PCDHGA1: variants seen among roughly 807,000 people sequenced by gnomAD.
PCDHGA1 encodes protocadherin gamma subfamily A, 1.
Under a neutral mutation model 58.0 loss-of-function variants are expected in PCDHGA1, and 32 were observed. The ratio of observed to expected loss-of-function variants is 0.55; its 90% CI spans 0.42 to 0.74. The LOEUF (loss-of-function observed/expected upper bound fraction) is 0.74. Among genes scored for constraint, PCDHGA1 ranks in the 30% least tolerant of loss-of-function variants. The pLI is 0.00. For missense variants in PCDHGA1, 1,205 were observed against 1,182.3 expected (o/e 1.02, Z -0.28); for synonymous variants, 498 against 501.1 (o/e 0.99, Z 0.08).
At chr5:141,377,095 T>G (rs887467044) in intron 1 of PCDHGA1, 5 of 152,298 alleles carry the variant, frequency 3.3e-5, no homozygotes, top group Non-Finnish European at 7.3e-5. Context: ...GTTTTTCTTT[T>G]ATATCAAAAG....
intron 1 of PCDHGA1, chr5:141,362,249 T>A (rs1275406008): frequency 3.1e-6 from 5 of 1,614,024 alleles, no homozygotes; most frequent in Non-Finnish European, 4.2e-6. Flanking sequence ...CTCTTCTTCC[T>A]CGCGGTGATT....
In PCDHGA1 at chr5:141,426,967, T is replaced by C. The variant is rs151241654; in HGVS notation, c.2422-67840T>C. 124 of 456,702 alleles carry C rather than the reference T, an allele frequency of 2.7e-4. 1 individual carries two copies. The highest frequency in any genetic ancestry group is 2.1e-3 in the African/African-American group (103 of 50,178). 28.3% of individuals were successfully genotyped at this position (456,702 alleles called of 1,614,324 possible). A position where few individuals can be genotyped will look rare whatever the true frequency, so the allele number is the denominator to read the frequency against. On this transcript the variant is annotated intron_variant, in intron 1 of 3. Coordinates refer to ENST00000517417, the MANE Select transcript of PCDHGA1 (RefSeq NM_018912.3). ...CCAACTGGCACTGCTGCAATTCAAA[T>C]TGAGGTCACTGATGCCAACGATAAT... is the stretch of plus-strand genomic sequence containing the variant.
At chr5:141,427,007 C>T (rs1215109574) in intron 1 of PCDHGA1, 2 of 456,668 alleles carry the variant, frequency 4.4e-6, no homozygotes, top group Admixed American at 2.3e-5. Flanking sequence ...CAGTTTTTAG[C>T]CAGGATGTAT....
chr5:141,399,497 TACCCGAAAACA>T, intron 1 of PCDHGA1: 2 of 1,614,030 alleles, frequency 1.2e-6, no homozygotes, highest in Non-Finnish European at 1.7e-6. Flanking sequence ...TTAGTCAGTG[TACCCGAAAACA>T]ACCCTCCTGG....
At chr5:141,418,878 A>G (rs1193526475) in intron 1 of PCDHGA1, 2 of 1,613,930 alleles carry the variant, frequency 1.2e-6, no homozygotes, top group Non-Finnish European at 8.5e-7. Context: ...GTTGTAGACG[A>G]AAACGACAAC....
At chr5:141,423,126 G>A (rs1397550571) in intron 1 of PCDHGA1, 1 of 1,613,622 alleles carries the variant, frequency 6.2e-7, no homozygotes, top group Non-Finnish European at 8.5e-7. Context: ...CGCGGGCACT[G>A]CTGGACAGAG....
rs1588441927 is a variant in PCDHGA1 at position 141,335,604 on chromosome 5, C to G, written c.2421+2499C>G. On this transcript the variant is annotated intron_variant, in intron 1 of 3. Coordinates refer to ENST00000517417, the MANE Select transcript of PCDHGA1 (RefSeq NM_018912.3). ...TTAGTTAACATAAAGAAGATTTGAACAACATAATTTAGAAGCTTGATCTAT... is the reference window on the plus strand; with the variant it reads ...TTAGTTAACATAAAGAAGATTTGAAGAACATAATTTAGAAGCTTGATCTAT... Among the ~76,000 whole-genome samples, 4 of 152,134 alleles carry G rather than the reference C, an allele frequency of 2.6e-5. No individual in the cohort carries two copies. In the East Asian group the frequency reaches 7.7e-4, roughly 29 times the overall value.
intron 1 of PCDHGA1, chr5:141,356,817 C>T (rs553662641): frequency 1.2e-6 from 2 of 1,613,926 alleles, no homozygotes; most frequent in Admixed American, 3.3e-5. Flanking sequence ...ACAGTGGAGA[C>T]CCTCCACTCA....
At chr5:141,422,769 T>C (rs1274700138) in intron 1 of PCDHGA1, 1 of 1,613,852 alleles carries the variant, frequency 6.2e-7, no homozygotes, top group Admixed American at 1.7e-5. Context: ...ACACTGGTGT[T>C]CTCTATGCCC....
chr5:141,355,074 C>A, intron 1 of PCDHGA1: 1 of 1,383,750 alleles, frequency 7.2e-7, no homozygotes, highest in East Asian at 2.4e-5. Context: ...TTTATGAAAG[C>A]TTCAAGCGGA....
rs1369821635 is a variant in PCDHGA1, at chr5:141,512,208, G to T, written c.*1035G>T. ...TTCAGTCCAAGGAAGCTCGAAGCAG[G>T]TTTAGGACCAGGTCCCCTTGAGAGG... On this transcript the variant is annotated 3_prime_UTR_variant, in exon 4 of 4. Coordinates refer to ENST00000517417, the MANE Select transcript of PCDHGA1 (RefSeq NM_018912.3). 6.5e-6 allele frequency: 1 copy of T among 152,758 alleles called. No homozygotes were observed. The highest frequency in any genetic ancestry group is 2.4e-5 in the African/African-American group (1 of 41,454). The allele number at this position is 152,758 out of a possible 1,614,324, so 9.5% of individuals were successfully genotyped here.
chr5:141,422,467 G>A (rs1380910490), intron 1 of PCDHGA1: 1 of 1,613,664 alleles, frequency 6.2e-7, no homozygotes, highest in Non-Finnish European at 8.5e-7. Context: ...GCTGGACAGG[G>A]AGTTGGTCCA....
intron 2 of PCDHGA1, among the ~76,000 whole-genome samples, chr5:141,495,175 C>A (rs1337353259): frequency 6.6e-6 from 1 of 152,300 alleles, no homozygotes; most frequent in Middle Eastern, 3.4e-3. Flanking sequence ...TGGGTGAAAG[C>A]GAGGCTTTCT....
At chr5:141,354,044 T>G (rs1441545131) in intron 1 of PCDHGA1, among the ~76,000 whole-genome samples, 2 of 152,356 alleles carry the variant, frequency 1.3e-5, no homozygotes, top group African/African-American at 2.4e-5. Context: ...CGATGGCACA[T>G]GCAATGATAA....
intron 1 of PCDHGA1, chr5:141,355,939 T>G: frequency 6.2e-7 from 1 of 1,613,842 alleles, no homozygotes; most frequent in Non-Finnish European, 8.5e-7. Context: ...TCAGCCCGAG[T>G]ACCACGTAAG....
rs2099687792 is a variant in PCDHGA1, at chr5:141,489,485, G to GT, written c.2422-5321dup. Reference sequence around the variant, plus strand: ...TATTTTTCCCTGAGCTTGATGAGTGGTGCCCTGGCAGTGAATCAAAAGATT... The same window carrying GT: ...TATTTTTCCCTGAGCTTGATGAGTGGTTGCCCTGGCAGTGAATCAAAAGATT... On this transcript the variant is annotated intron_variant, in intron 1 of 3. Coordinates refer to ENST00000517417, the MANE Select transcript of PCDHGA1 (RefSeq NM_018912.3). This position sits in a 1 kb window ranked among gnomAD's most constrained non-coding sequence, Gnocchi z 4.5. The GT allele has an allele frequency of 6.2e-7, 1 of 1,614,088 alleles. No individual in the cohort carries two copies. The highest frequency in any genetic ancestry group is 2.2e-5 in the East Asian group (1 of 44,868).
rs1353944459 is a variant in PCDHGA1, at chr5:141,365,774, G to A, written c.2421+32669G>A. 3 of 1,613,874 alleles carry A rather than the reference G, an allele frequency of 1.9e-6. No individual in the cohort carries two copies. The highest frequency in any genetic ancestry group is 1.3e-5 in the African/African-American group (1 of 75,032). On this transcript the variant is annotated intron_variant, in intron 1 of 3. Transcript: ENST00000517417. ...TGTGACAGCCCATGACCCCGACAGC[G>A]GCGACAACGCTCGAGTCACCTACTC...
intron 1 of PCDHGA1, chr5:141,382,829 T>C: frequency 7.3e-7 from 1 of 1,376,168 alleles, no homozygotes; most frequent in Non-Finnish European, 9.9e-7. Flanking sequence ...GACAGAGGGG[T>C]CCACCCGGAT....
chr5:141,509,115 G>C (rs1480955058), intron 3 of PCDHGA1, among the ~76,000 whole-genome samples: 1 of 152,186 alleles, frequency 6.6e-6, no homozygotes, highest in Non-Finnish European at 1.5e-5. Flanking sequence ...GAGCGCTGGT[G>C]CGTGAAGAGA....
Sources: allele counts gnomAD v4.1 joint callset (sites outside exome capture counted in the v4.1 genomes callset), GRCh38; gene constraint gnomAD v4.1.1; non-coding constraint Gnocchi (gnomAD v3.1); transcripts MANE v1.5; gene names NCBI Gene and HGNC (gene_info 2026-07-23, HGNC 2026-07-21).